CD52: variants seen among roughly 807,000 people sequenced by gnomAD.
CD52 encodes the protein CD52 molecule.
A neutral mutation model predicts 2.5 loss-of-function variants in CD52; 2 were observed. The ratio of observed to expected loss-of-function variants is 0.79; its 90% CI spans 0.32 to 2.48. The LOEUF (loss-of-function observed/expected upper bound fraction) is 2.48, where lower values mean the gene tolerates loss of function less well. Among genes scored for constraint, CD52 ranks in the 30% most tolerant of loss-of-function variants. The probability of loss-of-function intolerance (pLI) is 0.11; values close to 1 mark genes in which losing one functional copy is unlikely to be tolerated. For missense variants in CD52, 62 were observed against 75.8 expected (o/e 0.82, Z 0.68); for synonymous variants, 24 against 27.7 (o/e 0.87, Z 0.42).
At chr1:26,318,509 A>G (rs2073820998) in intron 1 of CD52, 1 of 156,876 alleles carries the variant, frequency 6.4e-6, no homozygotes, top group African/African-American at 2.4e-5. Flanking sequence ...GGACACTCTA[A>G]CCCCCACTCC....
chr1:26,320,089 C>A, intron 1 of CD52, 82 bp from the exon 2 acceptor site: 1 of 1,512,944 alleles, frequency 6.6e-7, no homozygotes, highest in Non-Finnish European at 8.9e-7. Context: ...CACTGCAGTC[C>A]AGCCTGGGTG....
In CD52 at chr1:26,320,410, G is replaced by T; in HGVS notation, c.*108G>T. On this transcript the variant is annotated 3_prime_UTR_variant, in exon 2 of 2. Coordinates refer to ENST00000374213, the MANE Select transcript of CD52 (RefSeq NM_001803.3). ...AGGGGTTGATGCCAGACATCACCAG[G>T]TTGTAGAAGTTGACAGGCAGTGCCA... 2 of 1,424,786 alleles carry T rather than the reference G, an allele frequency of 1.4e-6. No homozygotes were observed. Among genetic ancestry groups the T allele is most frequent in the Non-Finnish European group, 1.9e-6 (2 of 1,063,386 alleles). The allele number at this position is 1,424,786 out of a possible 1,614,324, so 88.3% of individuals were successfully genotyped here. A position where few individuals can be genotyped will look rare whatever the true frequency, so the allele number is the denominator to read the frequency against.
At chr1:26,320,062 G>A (rs1460148111) in intron 1 of CD52, 109 bp from the exon 2 acceptor site, 13 of 1,348,172 alleles carry the variant, frequency 9.6e-6, no homozygotes, top group Non-Finnish European at 1.3e-5. Flanking sequence ...GGAGGATGCA[G>A]TGAGCCGAGA....
At position 26,320,329 on chromosome 1, in the gene CD52, T is replaced by C. The variant is rs1570156810; in HGVS notation, c.*27T>C. ...GTGACACGTCTCAGCCTTAGCCCTG[T>C]GCCCCCTGAAACAGCTGCCACCATC... On this transcript the variant is annotated 3_prime_UTR_variant, in exon 2 of 2. Transcript: ENST00000374213. 1 of 1,588,604 alleles carries C rather than the reference T, an allele frequency of 6.3e-7. No individual in the cohort carries two copies.
Position 26,320,464 on chromosome 1 carries a change from A to G in CD52, c.*162A>G. On this transcript the variant is annotated 3_prime_UTR_variant, in exon 2 of 2. Transcript: ENST00000374213. ...GGGCAACAGCCAAAATAGGGGGGTA[A>G]TGATGTAGGGGCCAAGCAGTGCCCA... The G allele has an allele frequency of 1.1e-6, 1 of 869,728 alleles. No homozygotes were observed. Among genetic ancestry groups the G allele is most frequent in the Admixed American group, 2.8e-5 (1 of 36,092 alleles). The allele number at this position is 869,728 out of a possible 1,614,324, so 53.9% of individuals were successfully genotyped here.
rs549287473 is a variant in CD52, at chr1:26,318,047, C to T, written c.30C>T (p.Thr10=). Residue 10 remains threonine (T), a synonymous_variant, in exon 1 of 2, where the codon ACC becomes ACT. Transcript: ENST00000374213. Reference sequence around the variant, plus strand: ...AGCGCTTCCTCTTCCTCCTACTCACCATCAGCCTCCTGGTTATGGTACAGG... The same window carrying T: ...AGCGCTTCCTCTTCCTCCTACTCACTATCAGCCTCCTGGTTATGGTACAGG... The part of the protein sequence containing the change: MKRFLFLLL[T]ISLLVMVQIQ... 3 of 1,614,214 alleles carry T rather than the reference C, an allele frequency of 1.9e-6. No individual in the cohort carries two copies. Among genetic ancestry groups the T allele is most frequent in the East Asian group, 2.2e-5 (1 of 44,888 alleles).
chr1:26,320,334 CCT>C lies in CD52; in HGVS notation c.*33_*34del. ...ACGTCTCAGCCTTAGCCCTGTGCCCCCTGAAACAGCTGCCACCATCACTCGCA... is the reference window on the plus strand; with the variant it reads ...ACGTCTCAGCCTTAGCCCTGTGCCCCGAAACAGCTGCCACCATCACTCGCA... On this transcript the variant is annotated 3_prime_UTR_variant, in exon 2 of 2. Transcript: ENST00000374213. 6.3e-7 allele frequency: 1 copy of C among 1,578,444 alleles called. No homozygotes were observed. The highest frequency in any genetic ancestry group is 8.6e-7 in the Non-Finnish European group (1 of 1,165,580).
chr1:26,319,765 C>T (rs892681040), intron 1 of CD52, among the ~76,000 whole-genome samples: 7 of 151,466 alleles, frequency 4.6e-5, no homozygotes, highest in African/African-American at 1.7e-4. Flanking sequence ...TGGAGGTGGG[C>T]GGATGGAGGG....
chr1:26,320,384 GA>G lies in CD52; in HGVS notation c.*83del. The G allele has an allele frequency of 6.6e-7, 1 of 1,519,160 alleles. No individual in the cohort carries two copies. The highest frequency in any genetic ancestry group is 8.8e-7 in the Non-Finnish European group (1 of 1,134,652). 94.1% of individuals were successfully genotyped at this position (1,519,160 alleles called of 1,614,324 possible). A position where few individuals can be genotyped will look rare whatever the true frequency, so the allele number is the denominator to read the frequency against. On this transcript the variant is annotated 3_prime_UTR_variant, in exon 2 of 2. Transcript: ENST00000374213. ...GCAAGAGAATCCCCTCCATCTTTGG[GA>G]GGGGTTGATGCCAGACATCACCAGG...
chr1:26,319,707 T>C (rs556111426), intron 1 of CD52, among the ~76,000 whole-genome samples: 29 of 152,150 alleles, frequency 1.9e-4, no homozygotes, highest in Admixed American at 5.9e-4. Flanking sequence ...TGACAGGACC[T>C]TGTGGAAGAA....
chr1:26,319,360 T>C (rs971930803), intron 1 of CD52, among the ~76,000 whole-genome samples: 4 of 151,192 alleles, frequency 2.6e-5, no homozygotes, highest in African/African-American at 9.8e-5. Flanking sequence ...CTCGGGAGGC[T>C]GAGGCAGGAG....
At chr1:26,318,265 TG>T in intron 1 of CD52, 194 bp downstream of exon 1, 1 of 583,354 alleles carries the variant, frequency 1.7e-6, no homozygotes, top group Non-Finnish European at 3.1e-6. Flanking sequence ...GGGGCTGCAC[TG>T]CTTGCGGGCT....
At chr1:26,318,118 T>C in intron 1 of CD52, 47 bp downstream of exon 1, 11 of 1,543,834 alleles carry the variant, frequency 7.1e-6, no homozygotes, top group Non-Finnish European at 9.9e-6. Flanking sequence ...CAAAGTTGCT[T>C]GGCATGGAGG....
At chr1:26,319,990 C>T (rs549078859) in intron 1 of CD52, among the ~76,000 whole-genome samples, 181 bp from the exon 2 acceptor site, 13 of 151,642 alleles carry the variant, frequency 8.6e-5, no homozygotes, top group East Asian at 5.9e-4. Context: ...CGTGGTGGCA[C>T]GTGCCTATAG....
At chr1:26,320,136 A>T (rs745378787) in intron 1 of CD52, 35 bp from the exon 2 acceptor site, 54 of 1,572,760 alleles carry the variant, frequency 3.4e-5, no homozygotes, top group Non-Finnish European at 4.2e-5. Context: ...AAAAAAAAAA[A>T]GTCCCCTGAT....
rs2124684453 is a variant in CD52, at chr1:26,318,026, C to T, written c.9C>T (p.Arg3=). 1 of 1,614,160 alleles carries T rather than the reference C, an allele frequency of 6.2e-7. No homozygotes were observed. Among genetic ancestry groups the T allele is most frequent in the Non-Finnish European group, 8.5e-7 (1 of 1,180,000 alleles). Residue 3 remains arginine (R), a synonymous_variant, in exon 1 of 2, where the codon CGC becomes CGT. Transcript: ENST00000374213. MK[R]FLFLLLTISL... ...ACGAAGATCCTACCAAAATGAAGCG[C>T]TTCCTCTTCCTCCTACTCACCATCA...
At chr1:26,318,097 C>T (rs199558452) in intron 1 of CD52, 26 bp downstream of exon 1, 218 of 1,605,172 alleles carry the variant, frequency 1.4e-4, no homozygotes, top group Non-Finnish European at 1.8e-4. Context: ...GGCACCACTG[C>T]CAGGACTCCC....
chr1:26,319,480 T>TAAG (rs2073830649), intron 1 of CD52, among the ~76,000 whole-genome samples: 1 of 75,024 alleles, frequency 1.3e-5, no homozygotes, highest in East Asian at 2.9e-4. Context: ...AAAAAAAAAT[T>TAAG]AGCTGGGCGT....
At chr1:26,318,150 T>A (rs1269032788) in intron 1 of CD52, 79 bp downstream of exon 1, 2 of 1,207,266 alleles carry the variant, frequency 1.7e-6, no homozygotes, top group Admixed American at 3.5e-5. Flanking sequence ...GGATGTGAGC[T>A]CCCAGAGACC....
Sources: gnomAD v4.1 joint callset for allele counts (sites outside exome capture counted in the v4.1 genomes callset) on GRCh38, gnomAD v4.1.1 for gene constraint, MANE v1.5 for transcripts, NCBI Gene and HGNC (gene_info 2026-07-23, HGNC 2026-07-21) for gene names.